Variants in COQ9 observed in about 807,000 individuals in gnomAD.
COQ9 encodes ubiquinone biosynthesis protein COQ9, mitochondrial.
In COQ9, 35 loss-of-function variants were observed where a neutral mutation model predicts 42.4. The ratio of observed to expected loss-of-function variants is 0.83; its 90% CI spans 0.63 to 1.10. COQ9 has a LOEUF of 1.10. COQ9 is among the 50% of genes least tolerant of loss of function. The pLI is 0.00. For missense variants in COQ9, 406 were observed against 414.6 expected (o/e 0.98, Z 0.18); for synonymous variants, 155 against 155.1 (o/e 1.00, Z 0.00).
rs746162914 is a variant in COQ9 at position 57,458,284 on chromosome 16, C to T, written c.645C>T (p.Ser215=). 2.6e-5 allele frequency: 42 copies of T among 1,612,798 alleles called. No individual in the cohort carries two copies. The highest frequency in any genetic ancestry group is 3.3e-5 in the Admixed American group (2 of 59,928). The part of the protein sequence containing the change: ...SILMLPHNIP[S]SLSLLTSMVD... ...TCATGCTCCCTCACAACATCCCGTC[C>T]AGCCTGAGCCTGCTCACCAGCATGG... Residue 215 remains serine (S), a synonymous_variant, in exon 6 of 9, where the codon TCC becomes TCT. Transcript: ENST00000262507.
chr16:57,458,190 C>T, intron 5 of COQ9, 56 bp from the exon 6 acceptor site: 2 of 1,302,346 alleles, frequency 1.5e-6, no homozygotes, highest in Non-Finnish European at 2.2e-6. Flanking sequence ...AGATGCTGGT[C>T]AACTATGCAC....
chr16:57,456,778 T>C (rs1436429909), intron 4 of COQ9, 132 bp downstream of exon 4: 3 of 1,363,376 alleles, frequency 2.2e-6, no homozygotes, highest in Non-Finnish European at 3.1e-6. Context: ...GCTGCTGTGA[T>C]GGGACTGAAA....
intron 4 of COQ9, 59 bp from the exon 5 acceptor site, chr16:57,456,872 G>A: frequency 2.0e-6 from 3 of 1,481,968 alleles, no homozygotes; most frequent in Non-Finnish European, 2.8e-6. Flanking sequence ...AGTAAACCGT[G>A]GAGCACTGAG....
rs1157547217 is a variant in COQ9, at chr16:57,460,591, C to T, written c.924C>T (p.Leu308=). The T allele has an allele frequency of 6.2e-6, 10 of 1,613,878 alleles. No individual in the cohort carries two copies. In the African/African-American group the frequency reaches 1.3e-4, roughly 22 times the overall value. ...CTTTATTTCCATTCCCGTGTCAGCT[C>T]AAGAACTTGACAGGTCTAAACCAGC... ...VQGLMGAAVT[L]KNLTGLNQRR Residue 308 remains leucine (L), a splice_region_variant and synonymous_variant, in exon 9 of 9, where the codon CTC becomes CTT. Coordinates refer to ENST00000262507, the MANE Select transcript of COQ9 (RefSeq NM_020312.4).
At chr16:57,457,503 C>T (rs1438316593) in intron 5 of COQ9, 1 of 301,010 alleles carries the variant, frequency 3.3e-6, no homozygotes, top group African/African-American at 2.2e-5. Context: ...TGTTTTAAAG[C>T]ATATCACAGT....
chr16:57,455,356 C>CAT (rs72051263), intron 3 of COQ9, among the ~76,000 whole-genome samples: 13,780 of 143,006 alleles, frequency 0.096, 773 homozygotes, highest in Middle Eastern at 0.16. Flanking sequence ...CACATTTGGG[C>CAT]ATATATATAT....
intron 2 of COQ9, among the ~76,000 whole-genome samples, chr16:57,451,692 T>G (rs1449691429): frequency 6.6e-6 from 1 of 152,260 alleles, no homozygotes; most frequent in African/African-American, 2.4e-5. Flanking sequence ...GTGTATAAAC[T>G]CTACATGCTG....
rs1418552732 is a variant in COQ9, at chr16:57,447,522, T to C, written c.17T>C (p.Val6Ala). ...GCTTCCAAAATGGCGGCGGCGGCGG[T>C]ATCTGGTGCGCTTGGCCGGGCGGGC... Reference protein sequence around the residue: MAAAAVSGALGRAGWR... With the variant: MAAAAASGALGRAGWR... Residue 6 changes from valine to alanine, a missense_variant, in exon 1 of 9, where the codon GTA becomes GCA. Val to Ala is a moderately conservative substitution (Grantham distance 64, BLOSUM62 0). Coordinates refer to ENST00000262507, the MANE Select transcript of COQ9 (RefSeq NM_020312.4). 2.4e-6 allele frequency: 3 copies of C among 1,225,144 alleles called. No homozygotes were observed. The highest frequency in any genetic ancestry group is 3.1e-6 in the Non-Finnish European group (3 of 974,456). The allele number at this position is 1,225,144 out of a possible 1,614,324, so 75.9% of individuals were successfully genotyped here. A position where few individuals can be genotyped will look rare whatever the true frequency, so the allele number is the denominator to read the frequency against.
At chr16:57,460,425 G>A (rs753983742) in intron 8 of COQ9, among the ~76,000 whole-genome samples, 164 bp from the exon 9 acceptor site, 18 of 151,704 alleles carry the variant, frequency 1.2e-4, no homozygotes, top group South Asian at 8.3e-4. Context: ...TGGGAAGATC[G>A]CTTGAGCCCA....
chr16:57,456,700 G>C, intron 4 of COQ9, 54 bp downstream of exon 4: 1 of 1,588,744 alleles, frequency 6.3e-7, no homozygotes, highest in African/African-American at 1.3e-5. Context: ...AGGGAACTTG[G>C]GCCCTACCAG....
At chr16:57,449,510 T>C (rs2030233477) in intron 1 of COQ9, among the ~76,000 whole-genome samples, 1 of 151,998 alleles carries the variant, frequency 6.6e-6, no homozygotes, top group Non-Finnish European at 1.5e-5. Flanking sequence ...GGTCCAGGTG[T>C]GGTGGCTCAC....
intron 1 of COQ9, among the ~76,000 whole-genome samples, chr16:57,450,426 A>AG (rs1286715233): frequency 2.6e-5 from 4 of 151,918 alleles, no homozygotes; most frequent in South Asian, 4.1e-4. Context: ...AAAAAAAAAA[A>AG]AAAAGAAAAT....
chr16:57,456,388 C>T, intron 3 of COQ9, 116 bp from the exon 4 acceptor site: 3 of 1,214,906 alleles, frequency 2.5e-6, no homozygotes, highest in Non-Finnish European at 3.6e-6. Flanking sequence ...ATCACATGGA[C>T]CCAGAGTGAA....
At position 57,451,028 on chromosome 16, in the gene COQ9, T is replaced by C. The variant is rs1457432290; in HGVS notation, c.74-12T>C. On this transcript the variant is annotated splice_polypyrimidine_tract_variant and intron_variant, in intron 1 of 8. Transcript: ENST00000262507. The stretch of plus-strand genomic sequence containing the variant: ...CTGTTGAATGTCCCTGACTGACCAG[T>C]TTCTGTTTCAGTGGCCCGTTGCCGA... 1.9e-6 allele frequency: 3 copies of C among 1,613,644 alleles called. No individual in the cohort carries two copies. The highest frequency in any genetic ancestry group is 2.5e-6 in the Non-Finnish European group (3 of 1,179,974).
intron 1 of COQ9, chr16:57,447,840 A>T (rs1195263828): frequency 5.5e-6 from 2 of 362,256 alleles, no homozygotes; most frequent in Admixed American, 4.7e-5. Flanking sequence ...GGCTCGGGGT[A>T]CGAAAGTCAC....
chr16:57,459,765 C>G, intron 7 of COQ9, 45 bp downstream of exon 7: 2 of 1,604,806 alleles, frequency 1.2e-6, no homozygotes, highest in Non-Finnish European at 1.7e-6. Flanking sequence ...AGAAGGCATA[C>G]CTATTCTCCT....
rs1437889040 is a variant in COQ9 at position 57,458,179 on chromosome 16, T to C, written c.607-67T>C. The C allele has an allele frequency of 1.4e-5, 16 of 1,166,938 alleles. No homozygotes were observed. In the South Asian group the frequency reaches 2.0e-4, roughly 14 times the overall value. The allele number at this position is 1,166,938 out of a possible 1,614,324, so 72.3% of individuals were successfully genotyped here. Reference sequence around the variant, plus strand: ...CCCCCTCATACACCTCTTGGAGAGGTAGATGCTGGTCAACTATGCACCATT... The same window carrying C: ...CCCCCTCATACACCTCTTGGAGAGGCAGATGCTGGTCAACTATGCACCATT... On this transcript the variant is annotated intron_variant, in intron 5 of 8. Coordinates refer to ENST00000262507, the MANE Select transcript of COQ9 (RefSeq NM_020312.4).
intron 5 of COQ9, 112 bp from the exon 6 acceptor site, chr16:57,458,134 G>A (rs1329120789): frequency 3.8e-6 from 3 of 794,892 alleles, no homozygotes; most frequent in African/African-American, 3.4e-5. Flanking sequence ...GCTGGTCTCA[G>A]AGAACCAGAG....
intron 2 of COQ9, among the ~76,000 whole-genome samples, chr16:57,452,423 C>T (rs1212913056): frequency 1.3e-5 from 2 of 152,226 alleles, no homozygotes; most frequent in African/African-American, 4.8e-5. Flanking sequence ...AGGCGGCTCA[C>T]TTGAGGTCAG....
Sources: allele counts gnomAD v4.1 joint callset (sites outside exome capture counted in the v4.1 genomes callset), GRCh38; gene constraint gnomAD v4.1.1; transcripts MANE v1.5; gene names NCBI Gene and HGNC (gene_info 2026-07-23, HGNC 2026-07-21).